Variants in GPR21 observed in about 807,000 individuals in gnomAD.
GPR21 encodes the protein probable G protein-coupled receptor 21.
A neutral mutation model predicts 21.5 loss-of-function variants in GPR21; 9 were observed. The ratio of observed to expected loss-of-function variants is 0.42; its 90% confidence interval spans 0.25 to 0.73. The LOEUF (loss-of-function observed/expected upper bound fraction) is 0.73, where lower values mean the gene tolerates loss of function less well. GPR21 is among the 30% of genes least tolerant of loss of function. The pLI is 0.27. For missense variants in GPR21, 416 were observed against 428.9 expected (o/e 0.97, Z 0.27); for synonymous variants, 169 against 159.3 (o/e 1.06, Z -0.46).
Position 123,035,516 on chromosome 9 carries a change from G to T in GPR21, c.950G>T (p.Arg317Leu). The T allele has an allele frequency of 6.2e-7, 1 of 1,613,630 alleles. No individual in the cohort carries two copies. The highest frequency in any genetic ancestry group is 1.1e-5 in the South Asian group (1 of 91,068). ...SNSVFQRGLK[R>L]LSGAMCTSCA... Reference sequence around the variant, plus strand: ...AGTGTATTCCAAAGAGGACTAAAGCGCCTCTCAGGGGCTATGTGTACTTCT... The same window carrying T: ...AGTGTATTCCAAAGAGGACTAAAGCTCCTCTCAGGGGCTATGTGTACTTCT... Residue 317 changes from arginine (R) to leucine (L), a missense_variant, in exon 2 of 2, where the codon CGC (arginine) becomes CTC (leucine). Physicochemically the swap from Arg to Leu is moderately radical, Grantham distance 102. Coordinates refer to ENST00000616002, the MANE Select transcript of GPR21 (RefSeq NM_005294.3).
chr9:123,042,766 A>G, the GPR21 span, among the ~76,000 whole-genome samples: 1 of 152,224 alleles, frequency 6.6e-6, no homozygotes, highest in Non-Finnish European at 1.5e-5. Flanking sequence ...GGAAGAAATT[A>G]ATAAATATCA....
At chr9:123,041,454 A>G in the GPR21 span, among the ~76,000 whole-genome samples, 1 of 152,364 alleles carries the variant, frequency 6.6e-6, no homozygotes, top group East Asian at 1.9e-4. Flanking sequence ...AGTAAGTGTT[A>G]TGATTCAAAT....
the GPR21 span, among the ~76,000 whole-genome samples, chr9:123,046,142 C>G: frequency 2.7e-4 from 41 of 152,266 alleles, no homozygotes; most frequent in African/African-American, 7.2e-4. Context: ...TTTTGTAATA[C>G]ATTTTGCAGT....
At chr9:123,043,987 G>A in the GPR21 span, among the ~76,000 whole-genome samples, 15 of 146,160 alleles carry the variant, frequency 1.0e-4, no homozygotes, top group South Asian at 4.4e-4. Flanking sequence ...TGCAAGCTCC[G>A]CCTCCCGGGT....
downstream of GPR21, among the ~76,000 whole-genome samples, chr9:123,038,896 A>T (rs1208753828): frequency 1.3e-5 from 2 of 152,118 alleles, no homozygotes; most frequent in Non-Finnish European, 2.9e-5. Flanking sequence ...ACTGAGAATA[A>T]AAAAATGTAG....
At chr9:123,042,340 C>T in the GPR21 span, among the ~76,000 whole-genome samples, 2 of 152,058 alleles carry the variant, frequency 1.3e-5, no homozygotes, top group Non-Finnish European at 2.9e-5. Context: ...AACAGACAGC[C>T]AGAGATAATT....
Position 123,035,029 on chromosome 9 carries a change from C to G in GPR21, c.463C>G (p.Leu155Val). Residue 155 changes from leucine to valine, a missense_variant, in exon 2 of 2, where the codon CTA (leucine) becomes GTA (valine). Physicochemically the swap from Leu to Val is conservative, Grantham distance 32. Coordinates refer to ENST00000616002, the MANE Select transcript of GPR21 (RefSeq NM_005294.3). The stretch of plus-strand genomic sequence containing the variant: ...ACGCCTGTGTATTTTCCTGATTTGG[C>G]TATACTCGACCCTGGTCTTCCTGCC... ...RLRLCIFLIWLYSTLVFLPSF... is the reference protein window; with the variant it reads ...RLRLCIFLIWVYSTLVFLPSF... The G allele has an allele frequency of 1.2e-6, 2 of 1,613,810 alleles. No individual in the cohort carries two copies. The highest frequency in any genetic ancestry group is 2.2e-5 in the South Asian group (2 of 91,066).
intron 1 of GPR21, 77 bp downstream of exon 1, chr9:123,033,819 A>C (rs1588303860): frequency 6.6e-6 from 1 of 152,392 alleles, no homozygotes; most frequent in Admixed American, 6.5e-5. Flanking sequence ...TATTGGAATC[A>C]ATGAAGAAAG....
chr9:123,039,960 G>A (rs915013525), downstream of GPR21, among the ~76,000 whole-genome samples: 4 of 152,082 alleles, frequency 2.6e-5, no homozygotes, highest in Non-Finnish European at 5.9e-5. Flanking sequence ...CCTTGATACT[G>A]CCATAGGGTA....
the GPR21 span, among the ~76,000 whole-genome samples, chr9:123,043,027 A>G: frequency 6.6e-6 from 1 of 152,302 alleles, no homozygotes; most frequent in Non-Finnish European, 1.5e-5. Flanking sequence ...TAGCTTCAGA[A>G]TTTTGAGGAG....
chr9:123,040,727 T>G, the GPR21 span, among the ~76,000 whole-genome samples: 2 of 152,210 alleles, frequency 1.3e-5, no homozygotes, highest in Non-Finnish European at 2.9e-5. Context: ...CCGCTCATCT[T>G]AGTTTTCATG....
chr9:123,035,096 T>C lies in GPR21; in HGVS notation c.530T>C (p.Val177Ala). Residue 177 changes from valine to alanine, a missense_variant, in exon 2 of 2, where the codon GTG becomes GCG. By Grantham distance (64) the Val-to-Ala change is moderately conservative (BLOSUM62 0). Coordinates refer to ENST00000616002, the MANE Select transcript of GPR21 (RefSeq NM_005294.3). ...HWGKPGYHGD[V>A]FQWCAESWHT... ...GGCAAACCTGGATATCATGGAGATG[T>C]GTTTCAGTGGTGTGCGGAGTCCTGG... 6.2e-7 allele frequency: 1 copy of C among 1,614,180 alleles called. No individual in the cohort carries two copies. The highest frequency in any genetic ancestry group is 8.5e-7 in the Non-Finnish European group (1 of 1,180,032).
the GPR21 span, among the ~76,000 whole-genome samples, chr9:123,043,718 G>C: frequency 6.6e-6 from 1 of 151,862 alleles, no homozygotes; most frequent in Non-Finnish European, 1.5e-5. Context: ...GTCTAAAGTG[G>C]AAAAACCCAG....
chr9:123,042,669 A>G, the GPR21 span, among the ~76,000 whole-genome samples: 27 of 152,228 alleles, frequency 1.8e-4, no homozygotes, highest in African/African-American at 6.0e-4. Flanking sequence ...CAGAAAATAG[A>G]TGAAAAAGCA....
downstream of GPR21, chr9:123,035,736 T>C (rs1267923818): frequency 1.5e-6 from 1 of 656,812 alleles, no homozygotes; most frequent in East Asian, 2.7e-5. Flanking sequence ...CAGAATACTT[T>C]GACTCTAAAC....
chr9:123,035,402 G>T lies in GPR21; in HGVS notation c.836G>T (p.Gly279Val). The T allele has an allele frequency of 6.2e-7, 1 of 1,614,102 alleles. No individual in the cohort carries two copies. Among genetic ancestry groups the T allele is most frequent in the Non-Finnish European group, 8.5e-7 (1 of 1,180,008 alleles). ...IIYFLLESST[G>V]HSNRFASFLT... ...TACTTCTTGTTGGAAAGCTCCACTG[G>T]CCACAGCAACCGCTTCGCATCCTTC... is the stretch of plus-strand genomic sequence containing the variant. The change falls in exon 2 of 2, where the codon GGC becomes GTC. Residue 279 changes from glycine to valine, a missense_variant. Transcript: ENST00000616002.
chr9:123,034,523 A>C lies in GPR21; in HGVS notation c.-44A>C, dbSNP rs764969935. On this transcript the variant is annotated 5_prime_UTR_variant, in exon 2 of 2. Transcript: ENST00000616002. ...GCTGCTTCTTTGAACTGTTGGCAGC[A>C]GCCAAGCGGCAGCATGAAGTGACAG... 8.0e-7 allele frequency: 1 copy of C among 1,257,302 alleles called. No individual in the cohort carries two copies. The highest frequency in any genetic ancestry group is 2.0e-5 in the Admixed American group (1 of 50,796). 77.9% of individuals were successfully genotyped at this position (1,257,302 alleles called of 1,614,324 possible).
the GPR21 span, among the ~76,000 whole-genome samples, chr9:123,041,822 T>C: frequency 6.6e-6 from 1 of 152,188 alleles, no homozygotes; most frequent in Non-Finnish European, 1.5e-5. Context: ...GATGTCCCTA[T>C]AAGCATAGAG....
chr9:123,046,658 T>A, the GPR21 span, among the ~76,000 whole-genome samples: 3 of 152,234 alleles, frequency 2.0e-5, no homozygotes, highest in East Asian at 3.8e-4. Flanking sequence ...CAGTAAGCAC[T>A]CAGTACATGT....
Sources: allele counts gnomAD v4.1 joint callset (sites outside exome capture counted in the v4.1 genomes callset), GRCh38; gene constraint gnomAD v4.1.1; transcripts MANE v1.5; gene names NCBI Gene and HGNC (gene_info 2026-07-23, HGNC 2026-07-21).